The following AASDH variants were observed in gnomAD, a reference collection of about 807,000 sequenced individuals.
AASDH encodes the protein aminoadipate-semialdehyde dehydrogenase.
A neutral mutation model predicts 102.3 loss-of-function variants in AASDH; 81 were observed. That is an observed-to-expected ratio of 0.79 (90% CI 0.66 to 0.95). AASDH has a LOEUF of 0.95. AASDH is among the 40% of genes least tolerant of loss of function. AASDH has a pLI of 0.00. For synonymous variants in AASDH, 398 were observed against 454.0 expected, an observed-to-expected ratio of 0.88 and a Z score of 1.57; for missense variants, 1,203 against 1,266.2, an observed-to-expected ratio of 0.95 and a Z score of 0.76.
chr4:56,379,219 GA>G (rs1264323913), intron 3 of AASDH, among the ~76,000 whole-genome samples: 1 of 151,972 alleles, frequency 6.6e-6, no homozygotes, highest in African/African-American at 2.4e-5. Flanking sequence ...CTGCAACCTC[GA>G]ACAGCTGGGC....
At chr4:56,377,374 A>T (rs1752483789) in intron 4 of AASDH, among the ~76,000 whole-genome samples, 1 of 152,192 alleles carries the variant, frequency 6.6e-6, no homozygotes, top group African/African-American at 2.4e-5. Flanking sequence ...CCACAATACT[A>T]CTACAAGAGT....
At chr4:56,353,250 A>G (rs76781817) in intron 9 of AASDH, among the ~76,000 whole-genome samples, 154 bp downstream of exon 9, 2,415 of 152,278 alleles carry the variant, frequency 0.016, 70 homozygotes, top group African/African-American at 0.055. Context: ...CTGAAGATAA[A>G]ATGAATTAAT....
intron 14 of AASDH, among the ~76,000 whole-genome samples, chr4:56,339,697 G>A (rs1005953377): frequency 4.2e-5 from 6 of 143,944 alleles, no homozygotes; most frequent in Non-Finnish European, 7.4e-5. Context: ...GTTGCAGTGA[G>A]CCAAGATCAC....
Position 56,343,621 on chromosome 4 carries a change from G to C in AASDH, c.2716C>G (p.Leu906Val). The C allele has an allele frequency of 6.2e-7, 1 of 1,610,372 alleles. No individual in the cohort carries two copies. The highest frequency in any genetic ancestry group is 8.5e-7 in the Non-Finnish European group (1 of 1,177,994). ...GCAAAATACAAATGATGTGGAATCA[G>C]GTTCAAACACGGAGAGGAAAAGACA... ...GTVFSSPCLN[L>V]IPHHLYFATL... The change falls in exon 13 of 15, where the codon CTG becomes GTG. Residue 906 changes from leucine (L) to valine (V), a missense_variant. By Grantham distance (32) the Leu-to-Val change is conservative. Transcript: ENST00000205214.
intron 5 of AASDH, among the ~76,000 whole-genome samples, chr4:56,362,778 G>C (rs372036533): frequency 6.6e-6 from 1 of 152,180 alleles, no homozygotes; most frequent in East Asian, 1.9e-4. Flanking sequence ...GGCCGAATAG[G>C]AGCAGCTCCA....
At chr4:56,382,632 C>T in intron 2 of AASDH, 35 bp from the exon 3 acceptor site, 2 of 1,583,702 alleles carry the variant, frequency 1.3e-6, no homozygotes, top group Admixed American at 2.0e-5. Context: ...CATAGAATGT[C>T]TGTTGATTTA....
chr4:56,382,723 T>C (rs1048560526), intron 2 of AASDH, 126 bp from the exon 3 acceptor site: 5 of 1,069,160 alleles, frequency 4.7e-6, no homozygotes, highest in Non-Finnish European at 5.3e-6. Context: ...CGGAGCACTT[T>C]ATTGCTGATC....
At chr4:56,355,461 C>A in intron 5 of AASDH, 38 bp from the exon 6 acceptor site, 1 of 1,569,562 alleles carries the variant, frequency 6.4e-7, no homozygotes, top group South Asian at 1.2e-5. Context: ...TATTTTCCTT[C>A]ACTTCTTTAA....
At position 56,351,197 on chromosome 4, in the gene AASDH, T is replaced by C. The variant is rs556735445; in HGVS notation, c.1692+145A>G. 9.2e-6 allele frequency: 5 copies of C among 546,420 alleles called. No homozygotes were observed. The East Asian group carries it at 1.3e-4, about 14-fold the overall frequency. 33.8% of individuals were successfully genotyped at this position (546,420 alleles called of 1,614,324 possible). A position where few individuals can be genotyped will look rare whatever the true frequency, so the allele number is the denominator to read the frequency against. ...AATCTAACCTTCATTTTAATACAAA[T>C]TGGATAAATGAAGATATACTACCTA... On this transcript the variant is annotated intron_variant, in intron 10 of 14. Coordinates refer to ENST00000205214, the MANE Select transcript of AASDH (RefSeq NM_181806.4).
rs778966434 is a variant in AASDH, at chr4:56,353,559, A to C, written c.1421T>G (p.Val474Gly). 4 of 1,612,642 alleles carry C rather than the reference A, an allele frequency of 2.5e-6. No individual in the cohort carries two copies. In the East Asian group the frequency reaches 8.9e-5, roughly 36 times the overall value. ...EELQQVESCA[V>G]TWYNQEKLIL... ...TAATTTTTCCTGATTATACCATGTA[A>C]CTGCACAAGACTCCACTTGCTGAAG... Residue 474 changes from valine to glycine, a missense_variant, in exon 9 of 15, where the codon GTT (valine) becomes GGT (glycine). Physicochemically the swap from Val to Gly is moderately radical, Grantham distance 109 (BLOSUM62 -3). Coordinates refer to ENST00000205214, the MANE Select transcript of AASDH (RefSeq NM_181806.4).
rs562650137 is a variant in AASDH, at chr4:56,338,509, G to T, written c.3190C>A (p.Pro1064Thr). 2 of 1,613,958 alleles carry T rather than the reference G, an allele frequency of 1.2e-6. No homozygotes were observed. The highest frequency in any genetic ancestry group is 1.7e-6 in the Non-Finnish European group (2 of 1,179,998). Reference protein sequence around the residue: ...SGQLQSVYELPGEVFSSPVVL... With the variant: ...SGQLQSVYELTGEVFSSPVVL... ...ACAGGAGAAGAGAAGACTTCTCCAG[G>T]AAGTTCATAAACACTTTGCAATTGT... The change falls in exon 15 of 15, where the codon CCT (proline) becomes ACT (threonine). Residue 1064 changes from proline (P) to threonine (T), a missense_variant. Pro to Thr is a conservative substitution (Grantham distance 38). Transcript: ENST00000205214.
At chr4:56,339,173 A>AGAT (rs1413651172) in intron 14 of AASDH, among the ~76,000 whole-genome samples, 1 of 148,048 alleles carries the variant, frequency 6.8e-6, no homozygotes, top group Non-Finnish European at 1.5e-5. Flanking sequence ...TTTTTTTTTG[A>AGAT]GATGGAGTCT....
intron 1 of AASDH, among the ~76,000 whole-genome samples, chr4:56,386,994 T>C (rs1753644428): frequency 6.6e-6 from 1 of 152,090 alleles, no homozygotes; most frequent in South Asian, 2.1e-4. Context: ...AATGGATAAA[T>C]AATCTAGAAA....
At chr4:56,377,438 G>A (rs1003613509) in intron 4 of AASDH, among the ~76,000 whole-genome samples, 1 of 152,244 alleles carries the variant, frequency 6.6e-6, no homozygotes, top group African/African-American at 2.4e-5. Flanking sequence ...ACTGGATTAA[G>A]TTCAGCCTTC....
intron 1 of AASDH, among the ~76,000 whole-genome samples, chr4:56,387,097 T>C (rs1753658419): frequency 6.6e-6 from 1 of 152,178 alleles, no homozygotes; most frequent in South Asian, 2.1e-4. Context: ...TCATTGCTCT[T>C]CGAAACCACT....
At chr4:56,381,574 G>C (rs1335232102) in intron 3 of AASDH, among the ~76,000 whole-genome samples, 1 of 146,684 alleles carries the variant, frequency 6.8e-6, no homozygotes, top group Non-Finnish European at 1.5e-5. Flanking sequence ...AACAGAGTGA[G>C]ACTCTGGCTC....
At chr4:56,363,709 G>T (rs1347464603) in intron 5 of AASDH, among the ~76,000 whole-genome samples, 1 of 152,098 alleles carries the variant, frequency 6.6e-6, no homozygotes, top group Non-Finnish European at 1.5e-5. Context: ...ATCCACACCA[G>T]AAACCCATCT....
intron 5 of AASDH, among the ~76,000 whole-genome samples, chr4:56,365,468 A>T (rs1329421616): frequency 6.6e-6 from 1 of 152,088 alleles, no homozygotes; most frequent in Admixed American, 6.6e-5. Flanking sequence ...AATAGTTGGA[A>T]GTAAAGCACT....
Position 56,371,505 on chromosome 4 carries a change from G to A in AASDH, c.807C>T (p.Leu269=), listed in dbSNP as rs1751702171. 6.2e-7 allele frequency: 1 copy of A among 1,613,190 alleles called. No homozygotes were observed. Among genetic ancestry groups the A allele is most frequent in the African/African-American group, 1.3e-5 (1 of 74,998 alleles). Residue 269 remains leucine (L), a synonymous_variant, in exon 5 of 15, where the codon CTC becomes CTT. Transcript: ENST00000205214. ...AGAGAACGCTGGCTAATTTTGATGG[G>A]AGCAACTTGACGGAAGTTGGTACAA... ...LLIVPTSVKL[L]PSKLASVLFS... is the part of the protein sequence containing the mutation.
Sources: gnomAD v4.1 joint callset for allele counts (sites outside exome capture counted in the v4.1 genomes callset) on GRCh38, gnomAD v4.1.1 for gene constraint, MANE v1.5 for transcripts, NCBI Gene and HGNC (gene_info 2026-07-23, HGNC 2026-07-21) for gene names.